ZC3H12B: variants seen among roughly 807,000 people sequenced by gnomAD.
ZC3H12B encodes zinc finger CCCH-type containing 12B.
Under a neutral mutation model 43.9 loss-of-function variants are expected in ZC3H12B, and 7 were observed. The ratio of observed to expected loss-of-function variants is 0.16; its 90% CI spans 0.09 to 0.30. The LOEUF (loss-of-function observed/expected upper bound fraction) is 0.30, where lower values mean the gene tolerates loss of function less well. Among genes scored for constraint, ZC3H12B ranks in the 10% least tolerant of loss-of-function variants. ZC3H12B has a pLI of 1.00. For missense variants in ZC3H12B, 475 were observed against 670.2 expected, an observed-to-expected ratio of 0.71 and a Z score of 3.22; for synonymous variants, 222 against 241.7, an observed-to-expected ratio of 0.92 and a Z score of 0.76.
chrX:65,351,705 CGTA>C, the ZC3H12B span, among the ~76,000 whole-genome samples: 1 of 112,328 alleles, frequency 8.9e-6, no homozygotes, highest in Non-Finnish European at 1.9e-5. Context: ...AGCTAACAGA[CGTA>C]TGAAAAAATG....
the ZC3H12B span, among the ~76,000 whole-genome samples, chrX:65,307,349 G>A: frequency 1.8e-5 from 2 of 111,577 alleles, no homozygotes; most frequent in African/African-American, 6.5e-5. Flanking sequence ...ACCCTCAAAT[G>A]CCTAAGGTTT....
chrX:65,499,133 A>G (rs774476147), exon 3 of ZC3H12B: 1 of 1,211,311 alleles, frequency 8.3e-7, no homozygotes, highest in Admixed American at 2.2e-5. Context: ...TGATGGCATC[A>G]TTGTGTCCAA....
the ZC3H12B span, among the ~76,000 whole-genome samples, chrX:65,329,747 C>T: frequency 9.0e-6 from 1 of 111,415 alleles, no homozygotes; most frequent in African/African-American, 3.3e-5. Flanking sequence ...GGAAGGGATC[C>T]AGTTTCAGCT....
At chrX:65,098,682 G>A in the ZC3H12B span, among the ~76,000 whole-genome samples, 2 of 110,773 alleles carry the variant, frequency 1.8e-5, no homozygotes, top group Admixed American at 1.9e-4. Context: ...GAAGCCATGA[G>A]GGACTGTGCT....
the ZC3H12B span, among the ~76,000 whole-genome samples, chrX:65,331,435 A>G: frequency 1.3e-4 from 15 of 111,625 alleles, no homozygotes; most frequent in African/African-American, 4.9e-4. Flanking sequence ...ATCTAAAATG[A>G]TTTAACTTAT....
the ZC3H12B span, chrX:65,327,968 T>A: frequency 1.0e-5 from 2 of 191,921 alleles, no homozygotes; most frequent in East Asian, 2.6e-4. Context: ...GATCCAAACA[T>A]AACTGAGTGA....
chrX:65,370,079 C>G (rs901858268), intron 2 of ZC3H12B, among the ~76,000 whole-genome samples: 3 of 110,810 alleles, frequency 2.7e-5, no homozygotes, highest in Non-Finnish European at 3.8e-5. Flanking sequence ...AGACCCTCGT[C>G]TATATTGAAA....
At chrX:65,398,187 C>T (rs1420878337) in intron 2 of ZC3H12B, among the ~76,000 whole-genome samples, 4 of 111,540 alleles carry the variant, frequency 3.6e-5, no homozygotes, top group East Asian at 2.8e-4. Flanking sequence ...TTAAAATGTC[C>T]ATTTTACCCA....
At chrX:65,129,134 C>T in the ZC3H12B span, among the ~76,000 whole-genome samples, 5 of 109,144 alleles carry the variant, frequency 4.6e-5, no homozygotes, top group Admixed American at 4.9e-4. Flanking sequence ...CCTTTCTTGC[C>T]TTCTTGTGTG....
chrX:65,370,571 T>C (rs2066231372), intron 2 of ZC3H12B, among the ~76,000 whole-genome samples: 1 of 112,213 alleles, frequency 8.9e-6, no homozygotes, highest in Non-Finnish European at 1.9e-5. Context: ...TATTTGTTGC[T>C]CCAGCAAGAC....
At chrX:65,140,276 A>G in the ZC3H12B span, among the ~76,000 whole-genome samples, 1 of 110,980 alleles carries the variant, frequency 9.0e-6, no homozygotes, top group Admixed American at 9.6e-5. Context: ...TCCCTTCTAT[A>G]CCTAAATTGA....
intron 3 of ZC3H12B, among the ~76,000 whole-genome samples, chrX:65,448,993 G>GAAAGAAAGAA (rs1569412222): frequency 7.1e-4 from 22 of 30,795 alleles, no homozygotes; most frequent in African/African-American, 2.3e-3. Flanking sequence ...AAGAAAGAAA[G>GAAAGAAAGAA]AGAGGAAAGA....
the ZC3H12B span, among the ~76,000 whole-genome samples, chrX:65,200,629 A>T: frequency 2.8e-5 from 3 of 107,581 alleles, no homozygotes; most frequent in Non-Finnish European, 5.8e-5. Flanking sequence ...AGAGATGAGG[A>T]TTCACCATAT....
chrX:65,449,001 A>AGAGAG lies in ZC3H12B; in HGVS notation n.408-39643_408-39642insGAGGA, dbSNP rs1243447556. On this transcript the variant is annotated intron_variant and non_coding_transcript_variant, in intron 3 of 5. Coordinates refer to the ZC3H12B transcript ENST00000617377. ...AAAGAGAAAGAAAGAAAGAGAGGAA[A>AGAGAG]GAAAGAAAGAAAGGAAGGAAAGAAG... 8.2e-3 allele frequency among the ~76,000 whole-genome samples: 818 copies of AGAGAG among 99,846 alleles called. 16 individuals carry two copies. Among genetic ancestry groups the AGAGAG allele is most frequent in the African/African-American group, 0.028 (781 of 27,524 alleles). The allele number at this position is 99,846 out of a possible 115,157, so 86.7% of individuals were successfully genotyped here.
the ZC3H12B span, among the ~76,000 whole-genome samples, chrX:65,094,315 C>T: frequency 1.9e-5 from 2 of 106,503 alleles, no homozygotes; most frequent in Non-Finnish European, 3.9e-5. Flanking sequence ...TATAGCAATT[C>T]GAGTACTGAC....
the ZC3H12B span, among the ~76,000 whole-genome samples, chrX:65,215,587 G>A: frequency 1.8e-5 from 2 of 111,033 alleles, no homozygotes; most frequent in Non-Finnish European, 3.8e-5. Flanking sequence ...TTTGTTGCTC[G>A]TTTGATCTTC....
the ZC3H12B span, among the ~76,000 whole-genome samples, chrX:65,170,730 T>C: frequency 1.8e-5 from 2 of 111,700 alleles, no homozygotes; most frequent in Admixed American, 1.9e-4. Context: ...GCTTTGTTCA[T>C]TTCTTTTCAC....
the ZC3H12B span, among the ~76,000 whole-genome samples, chrX:65,085,655 C>T: frequency 1.8e-3 from 200 of 109,770 alleles, 1 homozygote; most frequent in African/African-American, 6.5e-3. Flanking sequence ...ACTGGTAATC[C>T]CAGCTACTCG....
the ZC3H12B span, among the ~76,000 whole-genome samples, chrX:65,144,261 C>A: frequency 6.6e-4 from 74 of 111,536 alleles, no homozygotes; most frequent in African/African-American, 2.3e-3. Flanking sequence ...TCTAGTTTAT[C>A]TACATAAAGG....
Sources: gnomAD v4.1 joint callset for allele counts (sites outside exome capture counted in the v4.1 genomes callset) on GRCh38, gnomAD v4.1.1 for gene constraint, MANE v1.5 for transcripts, NCBI Gene and HGNC (gene_info 2026-07-23, HGNC 2026-07-21) for gene names.